The following LSAMP variants were observed in gnomAD, a reference collection of about 807,000 sequenced individuals.
The protein encoded by LSAMP is limbic system-associated membrane protein.
LSAMP carries 7 observed loss-of-function variants against 38.6 expected under a neutral mutation model. That is an observed-to-expected ratio of 0.18 (90% confidence interval 0.10 to 0.34). The LOEUF is 0.34. LSAMP is among the 10% of genes least tolerant of loss of function. The pLI is 1.00. For synonymous variants in LSAMP, 154 were observed against 166.8 expected (o/e 0.92, Z 0.59); for missense variants, 313 against 420.0 (o/e 0.75, Z 2.23).
intron 2 of LSAMP, among the ~76,000 whole-genome samples, chr3:116,070,158 A>G (rs1322490315): frequency 1.3e-5 from 2 of 152,220 alleles, no homozygotes; most frequent in African/African-American, 4.8e-5. Flanking sequence ...AGAGAATGAC[A>G]TAAGAAGGCT....
chr3:116,171,304 G>A (rs2169306), intron 1 of LSAMP, among the ~76,000 whole-genome samples: 80,648 of 151,908 alleles, frequency 0.53, 22,755 homozygotes, highest in East Asian at 0.76. Flanking sequence ...TATTGGTTTG[G>A]ATTAATAAGA....
chr3:116,390,882 A>C (rs1182134941), intron 1 of LSAMP, among the ~76,000 whole-genome samples: 2 of 151,862 alleles, frequency 1.3e-5, no homozygotes. Flanking sequence ...TATCCTTTCC[A>C]ATCTCCTACC....
intron 1 of LSAMP, among the ~76,000 whole-genome samples, chr3:116,316,778 GA>G (rs35294836): frequency 0.069 from 8,183 of 119,048 alleles, 166 homozygotes; most frequent in Middle Eastern, 0.087. Context: ...CTCAAAAAAA[GA>G]AAAAAAAAAA....
intron 1 of LSAMP, among the ~76,000 whole-genome samples, chr3:116,197,163 A>ACACACACACACACACACTCTCT (rs1268040540): frequency 7.2e-5 from 10 of 139,202 alleles, no homozygotes; most frequent in African/African-American, 2.6e-4. Flanking sequence ...ACACACACAC[A>ACACACACACACACACACTCTCT]CTCTCTCTCT....
chr3:116,260,333 A>T (rs2046808477), intron 1 of LSAMP, among the ~76,000 whole-genome samples: 1 of 152,146 alleles, frequency 6.6e-6, no homozygotes, highest in Admixed American at 6.5e-5. Context: ...CAGTAAAAGC[A>T]GATTTATTAA....
At chr3:115,890,028 CAAAT>C (rs1201961492) in intron 3 of LSAMP, among the ~76,000 whole-genome samples, 2 of 151,904 alleles carry the variant, frequency 1.3e-5, no homozygotes, top group African/African-American at 2.4e-5. Flanking sequence ...TTTATGTAAA[CAAAT>C]AAAAAACTCA....
chr3:116,059,253 T>C (rs1391709420), intron 2 of LSAMP, among the ~76,000 whole-genome samples: 2 of 152,226 alleles, frequency 1.3e-5, no homozygotes, highest in South Asian at 2.1e-4. Context: ...TATTAGAGGA[T>C]GTTTTGCATC....
At chr3:116,310,961 C>A in intron 1 of LSAMP, among the ~76,000 whole-genome samples, 1 of 146,266 alleles carries the variant, frequency 6.8e-6, no homozygotes, top group African/African-American at 2.5e-5. Context: ...TCACGGATAA[C>A]TAGATTACCA....
In LSAMP at chr3:116,445,078, C is replaced by A. The variant is rs771753342; in HGVS notation, c.-47G>T. ...GTCCGCGGGGTGCTCTGGAGGGGTGCGCGCTGCTCGCGAGGAGAGGCTTCA... is the reference window on the plus strand; with the variant it reads ...GTCCGCGGGGTGCTCTGGAGGGGTGAGCGCTGCTCGCGAGGAGAGGCTTCA... On this transcript the variant is annotated 5_prime_UTR_variant, in exon 1 of 7. Transcript: ENST00000490035. 1.5e-5 allele frequency: 23 copies of A among 1,563,182 alleles called. No homozygotes were observed. The East Asian group carries it at 2.3e-4, about 15-fold the overall frequency.
At chr3:115,902,870 A>G (rs533053566) in intron 3 of LSAMP, among the ~76,000 whole-genome samples, 2 of 152,298 alleles carry the variant, frequency 1.3e-5, no homozygotes, top group Admixed American at 6.5e-5. Flanking sequence ...TCAGAGAAAA[A>G]GCAACATCTA....
chr3:116,198,189 G>T (rs551415294), intron 1 of LSAMP, among the ~76,000 whole-genome samples: 1 of 152,314 alleles, frequency 6.6e-6, no homozygotes, highest in South Asian at 2.1e-4. Context: ...ATGGGAAGTT[G>T]CTACTGTTCA....
Position 116,192,408 on chromosome 3 carries a change from G to T in LSAMP, c.156-105852C>A, listed in dbSNP as rs1204034108. On this transcript the variant is annotated intron_variant, in intron 1 of 6. Transcript: ENST00000490035. The stretch of plus-strand genomic sequence containing the variant: ...CTTTAATCACTTGCTTCCCTGCCCA[G>T]CCATCCTCACCAATATTGGCATTCC... 7.2e-5 allele frequency among the ~76,000 whole-genome samples: 11 copies of T among 152,256 alleles called. No individual in the cohort carries two copies. The East Asian group carries it at 1.9e-3, about 27-fold the overall frequency.
intron 1 of LSAMP, among the ~76,000 whole-genome samples, chr3:116,313,369 CG>C (rs2107719732): frequency 6.6e-6 from 1 of 152,284 alleles, no homozygotes; most frequent in South Asian, 2.1e-4. Flanking sequence ...TGACTGGAGG[CG>C]GATGCACCCA....
chr3:116,303,728 C>T (rs2047445314), intron 1 of LSAMP, among the ~76,000 whole-genome samples: 1 of 152,126 alleles, frequency 6.6e-6, no homozygotes, highest in Non-Finnish European at 1.5e-5. Context: ...ACCCTGCGAG[C>T]GAATAATCAG....
intron 1 of LSAMP, among the ~76,000 whole-genome samples, chr3:116,203,862 C>T (rs188691178): frequency 4.5e-4 from 68 of 152,198 alleles, no homozygotes; most frequent in South Asian, 2.5e-3. Context: ...AATAAACATA[C>T]GTGTGCATGT....
chr3:116,444,362 GTGTA>G (rs1187379639), intron 1 of LSAMP, among the ~76,000 whole-genome samples: 2 of 123,812 alleles, frequency 1.6e-5, no homozygotes, highest in Non-Finnish European at 3.3e-5. Context: ...GTGTGTGTGT[GTGTA>G]TGTGTGTGTG....
At chr3:115,812,859 G>A (rs1279646813) in intron 6 of LSAMP, among the ~76,000 whole-genome samples, 1 of 152,140 alleles carries the variant, frequency 6.6e-6, no homozygotes, top group African/African-American at 2.4e-5. Context: ...GGAAGGTTAA[G>A]ACTAGTCTTA....
intron 1 of LSAMP, among the ~76,000 whole-genome samples, chr3:116,426,755 T>C (rs1224109841): frequency 6.6e-6 from 1 of 152,222 alleles, no homozygotes; most frequent in Non-Finnish European, 1.5e-5. Context: ...GGCCATCATC[T>C]TACCATATTT....
Position 116,223,166 on chromosome 3 carries a change from A to G in LSAMP, c.156-136610T>C, listed in dbSNP as rs73858566. Among the ~76,000 whole-genome samples, 1,027 of 152,322 alleles carry G rather than the reference A, an allele frequency of 6.7e-3. 10 individuals carry two copies. The highest frequency in any genetic ancestry group is 0.024 in the African/African-American group (980 of 41,564). On this transcript the variant is annotated intron_variant, in intron 1 of 6. Coordinates refer to ENST00000490035, the MANE Select transcript of LSAMP (RefSeq NM_002338.5). ...AGCGTTTGCTTAACAGATAAAAAAT[A>G]CTTAAGAGGTTGAAACTAAAGAATA...
Sources: gnomAD v4.1 joint callset for allele counts (sites outside exome capture counted in the v4.1 genomes callset) on GRCh38, gnomAD v4.1.1 for gene constraint, MANE v1.5 for transcripts, NCBI Gene and HGNC (gene_info 2026-07-23, HGNC 2026-07-21) for gene names.